Variants in INPP4B observed in about 807,000 individuals in gnomAD.
INPP4B encodes the protein inositol polyphosphate-4-phosphatase type II B.
INPP4B carries 55 observed loss-of-function variants against 122.5 expected under a neutral mutation model. That is an observed-to-expected ratio of 0.45 (90% CI 0.36 to 0.56). The LOEUF is 0.56. Ranked by LOEUF, INPP4B falls within the 20% of genes least tolerant of loss-of-function variation. The pLI, the probability that INPP4B is intolerant of heterozygous loss-of-function variation, is 0.00. For synonymous variants in INPP4B, 403 were observed against 388.7 expected (o/e 1.04, Z -0.43); for missense variants, 1,000 against 1,097.7 (o/e 0.91, Z 1.26).
chr4:142,247,038 T>C (rs1331292174), intron 11 of INPP4B, among the ~76,000 whole-genome samples: 1 of 152,218 alleles, frequency 6.6e-6, no homozygotes, highest in African/African-American at 2.4e-5. Flanking sequence ...CTTCTCTGCA[T>C]CTATTGTGAT....
chr4:142,702,017 G>A (rs1325395023), intron 2 of INPP4B, among the ~76,000 whole-genome samples: 1 of 152,052 alleles, frequency 6.6e-6, no homozygotes, highest in African/African-American at 2.4e-5. Context: ...GAAAGAGTTA[G>A]GCTCCCACTC....
intron 11 of INPP4B, among the ~76,000 whole-genome samples, chr4:142,246,016 G>GTGTGTATGTATACATATA (rs1728333421): frequency 7.2e-6 from 1 of 138,902 alleles, no homozygotes; most frequent in Non-Finnish European, 1.5e-5. Flanking sequence ...ATACACACAT[G>GTGTGTATGTATACATATA]TGTGTATGTA....
At chr4:142,195,855 T>C (rs1837966243) in intron 14 of INPP4B, among the ~76,000 whole-genome samples, 1 of 152,220 alleles carries the variant, frequency 6.6e-6, no homozygotes, top group African/African-American at 2.4e-5. Flanking sequence ...TAGTGTCTTA[T>C]ACGAGGACTA....
intron 21 of INPP4B, among the ~76,000 whole-genome samples, chr4:142,117,513 C>T (rs916824125): frequency 6.6e-6 from 1 of 152,098 alleles, no homozygotes; most frequent in Non-Finnish European, 1.5e-5. Context: ...TCAACCTATG[C>T]AAATCAATAA....
At chr4:142,542,468 T>C (rs1218114058) in intron 2 of INPP4B, among the ~76,000 whole-genome samples, 1 of 152,188 alleles carries the variant, frequency 6.6e-6, no homozygotes, top group Admixed American at 6.6e-5. Flanking sequence ...TGAGAAAAAC[T>C]AGCAAATTTT....
intron 5 of INPP4B, among the ~76,000 whole-genome samples, chr4:142,426,149 T>C (rs780120623): frequency 5.3e-5 from 8 of 152,004 alleles, no homozygotes; most frequent in African/African-American, 1.2e-4. Flanking sequence ...GAAGACATAT[T>C]CTCATAAGCA....
intron 2 of INPP4B, among the ~76,000 whole-genome samples, chr4:142,528,777 G>T (rs1480419422): frequency 6.6e-6 from 1 of 151,980 alleles, no homozygotes; most frequent in Non-Finnish European, 1.5e-5. Flanking sequence ...ATTTAAACCT[G>T]TTTTTACCTG....
At chr4:142,759,363 T>C (rs1044429392) in intron 1 of INPP4B, among the ~76,000 whole-genome samples, 15 of 152,160 alleles carry the variant, frequency 9.9e-5, no homozygotes, top group Admixed American at 2.6e-4. Context: ...TACATTAAAA[T>C]GGTTCTTTCA....
chr4:142,085,008 A>G (rs1169721836), intron 24 of INPP4B, among the ~76,000 whole-genome samples: 1 of 152,214 alleles, frequency 6.6e-6, no homozygotes, highest in Admixed American at 6.5e-5. Context: ...AAGAGCAGCC[A>G]CACTATTAAA....
intron 2 of INPP4B, among the ~76,000 whole-genome samples, chr4:142,539,513 G>A (rs1214431436): frequency 6.6e-6 from 1 of 151,966 alleles, no homozygotes; most frequent in East Asian, 1.9e-4. Context: ...AATTTAAGGT[G>A]TTCTTCCCTT....
chr4:142,801,524 A>G (rs1778007106), intron 1 of INPP4B, among the ~76,000 whole-genome samples: 1 of 152,210 alleles, frequency 6.6e-6, no homozygotes, highest in African/African-American at 2.4e-5. Context: ...AAGAGGCCTC[A>G]GAAACCAAAC....
intron 17 of INPP4B, among the ~76,000 whole-genome samples, chr4:142,149,807 A>T (rs1318929988): frequency 6.6e-6 from 1 of 152,200 alleles, no homozygotes; most frequent in East Asian, 1.9e-4. Context: ...CTTTGGCACA[A>T]AGGACATAAG....
intron 2 of INPP4B, among the ~76,000 whole-genome samples, chr4:142,489,007 C>T (rs1019507208): frequency 6.6e-6 from 1 of 151,970 alleles, no homozygotes. Flanking sequence ...TTCATTTGTT[C>T]CCAAACACTT....
At chr4:142,524,929 G>T (rs1826669774) in intron 2 of INPP4B, among the ~76,000 whole-genome samples, 1 of 152,082 alleles carries the variant, frequency 6.6e-6, no homozygotes, top group Non-Finnish European at 1.5e-5. Context: ...ATTCAATTTG[G>T]AAAAGAGGAA....
At chr4:142,315,634 T>TA (rs148832375) in intron 7 of INPP4B, among the ~76,000 whole-genome samples, 1,640 of 150,678 alleles carry the variant, frequency 0.011, 26 homozygotes, top group African/African-American at 0.038. Context: ...ACATTTCAAA[T>TA]AAAAAAAGTC....
chr4:142,381,583 CT>C (rs1794107001), intron 7 of INPP4B, among the ~76,000 whole-genome samples: 2 of 152,076 alleles, frequency 1.3e-5, no homozygotes, highest in African/African-American at 4.8e-5. Context: ...CCATATATGT[CT>C]TTTCTGGACT....
chr4:142,230,255 G>T (rs1853575005), intron 12 of INPP4B, among the ~76,000 whole-genome samples: 1 of 152,098 alleles, frequency 6.6e-6, no homozygotes. Context: ...ACTCAGATGT[G>T]CAGGAAAAAT....
intron 9 of INPP4B, chr4:142,287,443 CAAATG>C (rs1391250670): frequency 8.5e-5 from 13 of 152,300 alleles, no homozygotes; most frequent in African/African-American, 3.1e-4. Context: ...AACAGTCAGA[CAAATG>C]AGTTCTCTGT....
chr4:142,337,700 T>A (rs1363992445), intron 7 of INPP4B, among the ~76,000 whole-genome samples: 1 of 125,426 alleles, frequency 8.0e-6, no homozygotes, highest in Non-Finnish European at 1.6e-5. Flanking sequence ...TATATTATTT[T>A]ATGTATATTA....
Sources: gnomAD v4.1 joint callset for allele counts (sites outside exome capture counted in the v4.1 genomes callset) on GRCh38, gnomAD v4.1.1 for gene constraint, MANE v1.5 for transcripts, NCBI Gene and HGNC (gene_info 2026-07-23, HGNC 2026-07-21) for gene names.